The following SOX5 variants were observed in gnomAD, a reference collection of about 807,000 sequenced individuals.
SOX5 encodes SRY-box transcription factor 5.
In SOX5, 9 loss-of-function variants were observed where a neutral mutation model predicts 92.0. The observed-to-expected ratio is 0.10, with a 90% CI of 0.06 to 0.17. SOX5 has a LOEUF of 0.17. SOX5 is among the 10% of genes least tolerant of loss of function. The probability of loss-of-function intolerance (pLI) is 1.00; values close to 1 mark genes in which losing one functional copy is unlikely to be tolerated. For missense variants in SOX5, 642 were observed against 944.5 expected (o/e 0.68, Z 4.20); for synonymous variants, 344 against 336.3 (o/e 1.02, Z -0.25).
chr12:24,089,052 T>A (rs1944339500), intron 4 of SOX5, among the ~76,000 whole-genome samples: 2 of 152,084 alleles, frequency 1.3e-5, no homozygotes, highest in African/African-American at 4.8e-5. Flanking sequence ...AGTTATATAC[T>A]CCTGGTTGCA....
intron 2 of SOX5, chr12:24,368,531 A>G (rs1566001885): frequency 6.6e-6 from 1 of 152,224 alleles, no homozygotes; most frequent in African/African-American, 2.4e-5. Context: ...CAAGCATCAT[A>G]TTAAAAATAA....
chr12:24,232,997 G>T (rs952128032), intron 3 of SOX5, among the ~76,000 whole-genome samples: 1 of 152,104 alleles, frequency 6.6e-6, no homozygotes, highest in African/African-American at 2.4e-5. Context: ...AGTCTGTCTG[G>T]CTCCTGTATA....
At chr12:23,815,417 G>C (rs2095970502) in intron 3 of SOX5, among the ~76,000 whole-genome samples, 1 of 151,850 alleles carries the variant, frequency 6.6e-6, no homozygotes. Context: ...TTAAAATTTG[G>C]ATTACCACAG....
intron 3 of SOX5, among the ~76,000 whole-genome samples, chr12:24,228,634 T>C (rs912254361): frequency 2.6e-5 from 4 of 152,320 alleles, no homozygotes; most frequent in African/African-American, 9.6e-5. Context: ...TCTTCCTTTC[T>C]TTGCAGAAAT....
intron 1 of SOX5, among the ~76,000 whole-genome samples, chr12:24,507,984 T>A (rs1357858418): frequency 6.6e-6 from 1 of 152,004 alleles, no homozygotes; most frequent in African/African-American, 2.4e-5. Context: ...ATGGCATCAG[T>A]GAAAACACTG....
At chr12:24,056,973 T>TAAAAAAAAAAAAAAAAA (rs1958184378) in intron 4 of SOX5, among the ~76,000 whole-genome samples, 1 of 25,692 alleles carries the variant, frequency 3.9e-5, no homozygotes, top group Admixed American at 4.1e-4. Flanking sequence ...AGACTCCGTC[T>TAAAAAAAAAAAAAAAAA]CAAAAAAAAA....
chr12:24,011,211 C>A (rs905907716), intron 4 of SOX5, among the ~76,000 whole-genome samples: 1 of 147,742 alleles, frequency 6.8e-6, no homozygotes, highest in Non-Finnish European at 1.5e-5. Flanking sequence ...TACAATTAAT[C>A]AAATTAAAAA....
Position 24,124,631 on chromosome 12 carries a change from C to T in SOX5, c.-2+88712G>A, listed in dbSNP as rs115770685. Among the ~76,000 whole-genome samples the T allele has an allele frequency of 2.8e-3, 418 of 150,450 alleles. 3 individuals are homozygous for T. The highest frequency in any genetic ancestry group is 9.5e-3 in the African/African-American group (389 of 41,028). ...GGATCCCCAGGACTACAGTATGATA[C>T]AAAGTTGATCAAGAATCTTTTACTT... On this transcript the variant is annotated intron_variant, in intron 4 of 4. Coordinates refer to the SOX5 transcript ENST00000446891.
chr12:24,510,927 A>G (rs1280646664), intron 1 of SOX5, among the ~76,000 whole-genome samples: 1 of 152,196 alleles, frequency 6.6e-6, no homozygotes, highest in Admixed American at 6.5e-5. Context: ...AGCCAAGGGA[A>G]TCTTTTGAAC....
chr12:23,727,781 A>G (rs953640815), intron 6 of SOX5, among the ~76,000 whole-genome samples: 12 of 152,276 alleles, frequency 7.9e-5, no homozygotes, highest in African/African-American at 2.9e-4. Flanking sequence ...TACTAGGAGG[A>G]AGATTTTAAA....
intron 2 of SOX5, among the ~76,000 whole-genome samples, chr12:23,868,947 C>T (rs1030301239): frequency 6.6e-6 from 1 of 152,038 alleles, no homozygotes; most frequent in Non-Finnish European, 1.5e-5. Flanking sequence ...GCATTCAAGG[C>T]CCCCCAGAAT....
At chr12:23,676,508 C>A (rs1443902162) in intron 6 of SOX5, among the ~76,000 whole-genome samples, 3 of 152,152 alleles carry the variant, frequency 2.0e-5, no homozygotes, top group Non-Finnish European at 4.4e-5. Context: ...TCATTGAGCG[C>A]TCACTTGGTG....
At chr12:24,454,924 ACT>A in intron 1 of SOX5, among the ~76,000 whole-genome samples, 1 of 152,138 alleles carries the variant, frequency 6.6e-6, no homozygotes, top group South Asian at 2.1e-4. Context: ...AATCACTTTC[ACT>A]CTCTCTTCTT....
intron 4 of SOX5, among the ~76,000 whole-genome samples, chr12:24,185,175 C>T (rs1955890418): frequency 6.6e-6 from 1 of 152,120 alleles, no homozygotes; most frequent in Admixed American, 6.6e-5. Context: ...ATATTACCAT[C>T]CTTATTGAAA....
At chr12:23,873,064 C>T (rs1255050998) in intron 2 of SOX5, among the ~76,000 whole-genome samples, 1 of 152,178 alleles carries the variant, frequency 6.6e-6, no homozygotes, top group Non-Finnish European at 1.5e-5. Context: ...AGACAGCCTT[C>T]GCCAAGAAAT....
chr12:24,278,408 A>T lies in SOX5; in HGVS notation c.-173-1096T>A, dbSNP rs193204923. Among the ~76,000 whole-genome samples, 149 of 152,254 alleles carry T rather than the reference A, an allele frequency of 9.8e-4. 1 individual carries two copies. Among genetic ancestry groups the T allele is most frequent in the African/African-American group, 3.5e-3 (145 of 41,564 alleles). Reference sequence around the variant, plus strand: ...AGAATATTCCACAAAGAGAAAAATTATCATTAAAAACTTTGAACATCAGGC... The same window carrying T: ...AGAATATTCCACAAAGAGAAAAATTTTCATTAAAAACTTTGAACATCAGGC... On this transcript the variant is annotated intron_variant, in intron 2 of 4. Transcript: ENST00000446891.
chr12:24,320,796 C>T (rs922287823), intron 2 of SOX5, among the ~76,000 whole-genome samples: 1 of 150,994 alleles, frequency 6.6e-6, no homozygotes, highest in African/African-American at 2.4e-5. Context: ...ACCTGGGAGG[C>T]GGAGCTTGCA....
chr12:23,546,447 G>T (rs1370346865), intron 11 of SOX5, 23 bp from the exon 12 acceptor site: 4 of 1,284,566 alleles, frequency 3.1e-6, no homozygotes, highest in African/African-American at 1.5e-5. Flanking sequence ...TATAATGAGA[G>T]ATCAGTCTAG....
chr12:23,538,822 A>C (rs1273768377), intron 13 of SOX5, among the ~76,000 whole-genome samples: 1 of 99,182 alleles, frequency 1.0e-5, no homozygotes, highest in Non-Finnish European at 1.9e-5. Context: ...TTTTTTTGAG[A>C]CAGAGTCTTG....
Sources: gnomAD v4.1 joint callset for allele counts (sites outside exome capture counted in the v4.1 genomes callset) on GRCh38, gnomAD v4.1.1 for gene constraint, MANE v1.5 for transcripts, NCBI Gene and HGNC (gene_info 2026-07-23, HGNC 2026-07-21) for gene names.